Variants in GLRA1 observed in about 807,000 individuals in gnomAD.
GLRA1 encodes the protein glycine receptor subunit alpha-1.
GLRA1 carries 37 observed loss-of-function variants against 48.3 expected under a neutral mutation model. The ratio of observed to expected loss-of-function variants is 0.77; its 90% CI spans 0.59 to 1.01. The LOEUF (loss-of-function observed/expected upper bound fraction) is 1.01, where lower values mean the gene tolerates loss of function less well. Ranked by LOEUF, GLRA1 falls within the 50% of genes least tolerant of loss-of-function variation. The pLI is 0.00. For missense variants in GLRA1, 427 were observed against 571.0 expected (o/e 0.75, Z 2.57); for synonymous variants, 196 against 210.7 (o/e 0.93, Z 0.60).
chr5:151,924,451 C>T lies in GLRA1; in HGVS notation c.56+43G>A, dbSNP rs764255064. 116 of 1,221,488 alleles carry T rather than the reference C, an allele frequency of 9.5e-5. 1 individual carries two copies. Among genetic ancestry groups the T allele is most frequent in the Middle Eastern group, 1.9e-4 (1 of 5,364 alleles). 75.7% of individuals were successfully genotyped at this position (1,221,488 alleles called of 1,614,324 possible). ...AGAGGTAGCCTCCGTACTCTTTCCCCCCATTTCCATCAGAGCGATGTGGTC... is the reference window on the plus strand; with the variant it reads ...AGAGGTAGCCTCCGTACTCTTTCCCTCCATTTCCATCAGAGCGATGTGGTC... On this transcript the variant is annotated intron_variant, in intron 1 of 8. Transcript: ENST00000274576.
intron 1 of GLRA1, among the ~76,000 whole-genome samples, chr5:151,922,415 G>C (rs1207047059): frequency 6.6e-6 from 1 of 152,048 alleles, no homozygotes; most frequent in Non-Finnish European, 1.5e-5. Context: ...CTGAAAAATT[G>C]CTGAATTTCC....
At position 151,850,020 on chromosome 5, in the gene GLRA1, C is replaced by T. The variant is rs901310390; in HGVS notation, c.912+1370G>A. Reference sequence around the variant, plus strand: ...AGCCTGCAGTGACCAATTTGAGGCACACTTGTAAGTGGATAATGGACATGG... The same window carrying T: ...AGCCTGCAGTGACCAATTTGAGGCATACTTGTAAGTGGATAATGGACATGG... On this transcript the variant is annotated intron_variant, in intron 7 of 8. Coordinates refer to ENST00000274576, the MANE Select transcript of GLRA1 (RefSeq NM_000171.4). 2.2e-5 allele frequency: 35 copies of T among 1,603,264 alleles called. No individual in the cohort carries two copies. In the East Asian group the frequency reaches 2.2e-4, roughly 10 times the overall value.
At chr5:151,914,965 T>C (rs1245017743) in intron 1 of GLRA1, among the ~76,000 whole-genome samples, 1 of 152,098 alleles carries the variant, frequency 6.6e-6, no homozygotes, top group Non-Finnish European at 1.5e-5. Flanking sequence ...ATTCTTAGAG[T>C]AATAGTGGCA....
chr5:151,843,741 T>A (rs1752581888), intron 7 of GLRA1, among the ~76,000 whole-genome samples: 1 of 152,068 alleles, frequency 6.6e-6, no homozygotes, highest in Non-Finnish European at 1.5e-5. Flanking sequence ...ATCAATGCAA[T>A]AGAATTGAGA....
chr5:151,874,361 C>T (rs927502235), intron 3 of GLRA1, among the ~76,000 whole-genome samples: 2 of 152,144 alleles, frequency 1.3e-5, no homozygotes, highest in Non-Finnish European at 1.5e-5. Flanking sequence ...ATCCATGTAA[C>T]AAACCTCCAC....
At position 151,856,283 on chromosome 5, in the gene GLRA1, C is replaced by G. The variant is rs758202108; in HGVS notation, c.559+18G>C. On this transcript the variant is annotated intron_variant, in intron 5 of 8. Transcript: ENST00000274576. ...AAGGAGCCTGGTTCTTTCTAGAGGA[C>G]TCATGCAAGACACTCACAGCTTTCC... The G allele has an allele frequency of 3.2e-6, 5 of 1,561,218 alleles. No individual in the cohort carries two copies. The African/African-American group carries it at 6.8e-5, about 21-fold the overall frequency.
chr5:151,883,856 A>G (rs1030517695), intron 3 of GLRA1, among the ~76,000 whole-genome samples: 3 of 152,004 alleles, frequency 2.0e-5, no homozygotes, highest in African/African-American at 7.3e-5. Flanking sequence ...GTGTCTAATT[A>G]CTCTGCTACA....
intron 1 of GLRA1, among the ~76,000 whole-genome samples, chr5:151,894,622 A>G (rs1405363797): frequency 6.6e-6 from 1 of 152,190 alleles, no homozygotes; most frequent in African/African-American, 2.4e-5. Context: ...AGCAGGAATC[A>G]TGGTGGTTTT....
intron 1 of GLRA1, among the ~76,000 whole-genome samples, chr5:151,915,501 G>A (rs1031376237): frequency 2.4e-4 from 37 of 152,130 alleles, no homozygotes; most frequent in African/African-American, 8.9e-4. Context: ...CATCAATAGG[G>A]GATGGCTAGA....
chr5:151,872,679 G>A (rs986951326), intron 3 of GLRA1, among the ~76,000 whole-genome samples: 2 of 149,864 alleles, frequency 1.3e-5, no homozygotes, highest in South Asian at 4.2e-4. Flanking sequence ...AAATGATGAT[G>A]TCTCCATACC....
At chr5:151,881,904 C>A (rs1027335753) in intron 3 of GLRA1, among the ~76,000 whole-genome samples, 1 of 152,160 alleles carries the variant, frequency 6.6e-6, no homozygotes. Flanking sequence ...TTCTGGAGAA[C>A]AAACACAGCC....
chr5:151,886,849 A>T (rs535633465), intron 2 of GLRA1, 61 bp from the exon 3 acceptor site: 1 of 1,200,214 alleles, frequency 8.3e-7, no homozygotes, highest in African/African-American at 1.5e-5. Flanking sequence ...ACAGGGTAGG[A>T]CTCATTCCCA....
intron 3 of GLRA1, 28 bp from the exon 4 acceptor site, chr5:151,860,036 G>A (rs1753154665): frequency 1.9e-6 from 3 of 1,539,368 alleles, no homozygotes; most frequent in African/African-American, 2.7e-5. Flanking sequence ...CAAGGTGAAG[G>A]CAATGTTAGG....
At chr5:151,870,841 A>T (rs1753461201) in intron 3 of GLRA1, among the ~76,000 whole-genome samples, 1 of 149,754 alleles carries the variant, frequency 6.7e-6, no homozygotes, top group East Asian at 1.9e-4. Flanking sequence ...TGTTAAAAGC[A>T]ACTTTTGCTT....
chr5:151,874,769 G>A (rs953048365), intron 3 of GLRA1, among the ~76,000 whole-genome samples: 11 of 152,180 alleles, frequency 7.2e-5, no homozygotes, highest in Non-Finnish European at 1.5e-4. Flanking sequence ...GACCTGAAGG[G>A]TGAGAAGGAG....
rs1209785174 is a variant in GLRA1, at chr5:151,838,805, C to T, written c.913-9738G>A. On this transcript the variant is annotated intron_variant, in intron 7 of 8. Coordinates refer to ENST00000274576, the MANE Select transcript of GLRA1 (RefSeq NM_000171.4). ...TAGTAATCTATACATCTAAGAAGCA[C>T]AGGGAAATCCAAGTAAGATAAAGAG... is the stretch of plus-strand genomic sequence containing the variant. Among the ~76,000 whole-genome samples, 4 of 151,002 alleles carry T rather than the reference C, an allele frequency of 2.6e-5. No individual in the cohort carries two copies. The East Asian group carries it at 7.9e-4, about 30-fold the overall frequency.
intron 5 of GLRA1, among the ~76,000 whole-genome samples, 186 bp downstream of exon 5, chr5:151,856,115 G>A (rs1449429947): frequency 6.6e-6 from 1 of 152,204 alleles, no homozygotes; most frequent in Non-Finnish European, 1.5e-5. Flanking sequence ...GCCTCAGTTA[G>A]GCAATGTAAG....
At chr5:151,849,217 T>C (rs201214355) in intron 7 of GLRA1, among the ~76,000 whole-genome samples, 7,310 of 62,204 alleles carry the variant, frequency 0.12, 1,131 homozygotes, top group Non-Finnish European at 0.14. Flanking sequence ...TTCCTTCCTT[T>C]CTTCCTTCCT....
chr5:151,872,352 A>G (rs1218566944), intron 3 of GLRA1, among the ~76,000 whole-genome samples: 1 of 149,722 alleles, frequency 6.7e-6, no homozygotes, highest in Admixed American at 6.6e-5. Context: ...TGAAAATGAC[A>G]ATGAAGTACC....
Sources: allele counts gnomAD v4.1 joint callset (sites outside exome capture counted in the v4.1 genomes callset), GRCh38; gene constraint gnomAD v4.1.1; transcripts MANE v1.5; gene names NCBI Gene and HGNC (gene_info 2026-07-23, HGNC 2026-07-21).